Variants in DENND4A observed in about 807,000 individuals in gnomAD.
DENND4A encodes DENN domain containing 4A, also known as C-myc promoter-binding protein.
A neutral mutation model predicts 199.3 loss-of-function variants in DENND4A; 70 were observed. The observed-to-expected ratio is 0.35, with a 90% CI of 0.29 to 0.43. The LOEUF (loss-of-function observed/expected upper bound fraction) is 0.43, where lower values mean the gene tolerates loss of function less well. DENND4A is among the 20% of genes least tolerant of loss of function. The probability of loss-of-function intolerance (pLI) is 1.00; values close to 1 mark genes in which losing one functional copy is unlikely to be tolerated. For synonymous variants in DENND4A, 686 were observed against 766.9 expected (o/e 0.89, Z 1.74); for missense variants, 1,723 against 2,255.8 (o/e 0.76, Z 4.78).
At chr15:65,730,471 T>A (rs1326671092) in intron 9 of DENND4A, among the ~76,000 whole-genome samples, 1 of 152,154 alleles carries the variant, frequency 6.6e-6, no homozygotes, top group Admixed American at 6.5e-5. Context: ...AATGTGGAAC[T>A]ATCCCAAATG....
In DENND4A at chr15:65,727,650, A is replaced by G. The variant is rs537859653; in HGVS notation, c.1487+1422T>C. 3.3e-5 allele frequency among the ~76,000 whole-genome samples: 5 copies of G among 152,218 alleles called. No homozygotes were observed. In the East Asian group the frequency reaches 9.7e-4, roughly 29 times the overall value. ...TTAAAAAAGGAGAAAAACCTACTTC[A>G]CATTTACATATTTAAGTGTAAAAGC... On this transcript the variant is annotated intron_variant, in intron 11 of 32. Coordinates refer to ENST00000443035, the MANE Select transcript of DENND4A (RefSeq NM_001320835.1).
At chr15:65,722,483 A>G (rs950240666) in intron 12 of DENND4A, among the ~76,000 whole-genome samples, 7 of 152,114 alleles carry the variant, frequency 4.6e-5, no homozygotes, top group Non-Finnish European at 1.0e-4. Flanking sequence ...GAAAAAAAAA[A>G]CAATATAAAG....
chr15:65,681,629 TACAG>T lies in DENND4A; in HGVS notation c.4180-4999_4180-4996del, dbSNP rs1469270841. On this transcript the variant is annotated intron_variant, in intron 23 of 32. Transcript: ENST00000443035. ...TATAATTCTGTCAGCCAGGCTGGAG[TACAG>T]ACAGTCATCTCAGCCCAATGCAACC... Among the ~76,000 whole-genome samples, 5 of 149,832 alleles carry T rather than the reference TACAG, an allele frequency of 3.3e-5. No individual in the cohort carries two copies. The East Asian group carries it at 5.9e-4, about 18-fold the overall frequency.
At chr15:65,791,367 C>A (rs1444510999) in intron 1 of DENND4A, among the ~76,000 whole-genome samples, 1 of 152,178 alleles carries the variant, frequency 6.6e-6, no homozygotes, top group African/African-American at 2.4e-5. Context: ...AGGTCACAAG[C>A]TTTTTACTGT....
At chr15:65,772,332 CCTTT>C (rs1168813683) in intron 1 of DENND4A, among the ~76,000 whole-genome samples, 1 of 152,072 alleles carries the variant, frequency 6.6e-6, no homozygotes, top group Non-Finnish European at 1.5e-5. Flanking sequence ...ATGTGAACTC[CCTTT>C]CTATGTTTAG....
rs1420630037 is a variant in DENND4A, at chr15:65,669,823, A to G, written c.4743T>C (p.Leu1581=). 3.1e-6 allele frequency: 5 copies of G among 1,613,862 alleles called. No homozygotes were observed. The highest frequency in any genetic ancestry group is 3.3e-5 in the Admixed American group (2 of 60,010). The change falls in exon 27 of 33, where the codon CTT becomes CTC. Residue 1581 remains leucine, a synonymous_variant. Coordinates refer to ENST00000443035, the MANE Select transcript of DENND4A (RefSeq NM_001320835.1). ...CTTGAACAGAGAGAGCAGATGTGTC[A>G]AGACCAGAGGCTGATGTTGAAATGC... ...QSCISTSASG[L]DTSALSVQGN... is the part of the protein sequence containing the mutation.
Position 65,717,798 on chromosome 15 carries a change from G to A in DENND4A, c.1787C>T (p.Ala596Val). ...QAPSETATDAASLFALQAFLR... is the reference protein window; with the variant it reads ...QAPSETATDAVSLFALQAFLR... Reference sequence around the variant, plus strand: ...CTCACCTTGTAGGGCAAAGAGAGAGGCTGCATCTGTGGCTGTCTCAGATGG... The same window carrying A: ...CTCACCTTGTAGGGCAAAGAGAGAGACTGCATCTGTGGCTGTCTCAGATGG... The change falls in exon 13 of 33, where the codon GCC becomes GTC. Residue 596 changes from alanine to valine, a missense_variant. By Grantham distance (64) the Ala-to-Val change is moderately conservative. Coordinates refer to ENST00000443035, the MANE Select transcript of DENND4A (RefSeq NM_001320835.1). 1 of 1,604,608 alleles carries A rather than the reference G, an allele frequency of 6.2e-7. No individual in the cohort carries two copies. Among genetic ancestry groups the A allele is most frequent in the South Asian group, 1.1e-5 (1 of 89,176 alleles).
At chr15:65,679,225 C>T (rs1048886089) in intron 23 of DENND4A, among the ~76,000 whole-genome samples, 3 of 152,020 alleles carry the variant, frequency 2.0e-5, no homozygotes, top group African/African-American at 4.8e-5. Context: ...CCTCAGCCTC[C>T]CGGGTAGCTG....
chr15:65,690,612 C>A lies in DENND4A; in HGVS notation c.3982G>T (p.Ala1328Ser). The A allele has an allele frequency of 6.2e-7, 1 of 1,613,564 alleles. No individual in the cohort carries two copies. Among genetic ancestry groups the A allele is most frequent in the African/African-American group, 1.3e-5 (1 of 75,016 alleles). ...KPRDRLWSSP[A>S]FSPTCPFREE... ...CTAAATGGGCAAGTAGGTGAGAAGG[C>A]TGGAGAAGACCAAAGTCTATCCCTT... Residue 1328 changes from alanine (A) to serine (S), a missense_variant, in exon 23 of 33, where the codon GCC (alanine) becomes TCC (serine). Coordinates refer to ENST00000443035, the MANE Select transcript of DENND4A (RefSeq NM_001320835.1).
chr15:65,760,158 A>G (rs565687150), intron 2 of DENND4A, among the ~76,000 whole-genome samples: 1 of 152,356 alleles, frequency 6.6e-6, no homozygotes, highest in South Asian at 2.1e-4. Flanking sequence ...TAATGAAGAA[A>G]CTAAAACATC....
rs770351317 is a variant in DENND4A at position 65,690,708 on chromosome 15, G to A, written c.3886C>T (p.Leu1296=). 1.2e-6 allele frequency: 2 copies of A among 1,613,604 alleles called. No individual in the cohort carries two copies. The highest frequency in any genetic ancestry group is 2.2e-5 in the East Asian group (1 of 44,862). The part of the protein sequence containing the change: ...PLVKACRRSS[L]PPNSPKPVRL... ...ACTGGCTTAGGAGAATTAGGAGGCA[G>A]ACTAGATCTTCTGCATGCCTTGACC... Residue 1296 remains leucine (L), a synonymous_variant, in exon 23 of 33, where the codon CTG becomes TTG. Transcript: ENST00000443035.
At chr15:65,704,434 T>C (rs1596477645) in intron 15 of DENND4A, among the ~76,000 whole-genome samples, 1 of 152,274 alleles carries the variant, frequency 6.6e-6, no homozygotes, top group Admixed American at 6.5e-5. Context: ...GTGCAGTAGC[T>C]CAATGATGGC....
At chr15:65,678,339 CT>C (rs376584603) in intron 23 of DENND4A, among the ~76,000 whole-genome samples, 15 of 151,944 alleles carry the variant, frequency 9.9e-5, no homozygotes, top group African/African-American at 2.2e-4. Context: ...TTTGGTTTGC[CT>C]TTTTTTTCTT....
intron 1 of DENND4A, among the ~76,000 whole-genome samples, chr15:65,787,482 G>C (rs1431230266): frequency 6.6e-6 from 1 of 151,616 alleles, no homozygotes; most frequent in Admixed American, 6.6e-5. Flanking sequence ...TTCTACTTGT[G>C]ATTTTTAACA....
intron 24 of DENND4A, among the ~76,000 whole-genome samples, chr15:65,675,476 C>T (rs1467475816): frequency 6.6e-6 from 1 of 151,400 alleles, no homozygotes; most frequent in Non-Finnish European, 1.5e-5. Flanking sequence ...AAAAACACCC[C>T]CAAAAAACAA....
At chr15:65,776,022 T>A (rs968418045) in intron 1 of DENND4A, among the ~76,000 whole-genome samples, 1 of 152,190 alleles carries the variant, frequency 6.6e-6, no homozygotes. Flanking sequence ...TTCCTTACTG[T>A]TTTCTCCATG....
At chr15:65,750,761 G>A (rs186135281) in intron 4 of DENND4A, among the ~76,000 whole-genome samples, 164 of 151,162 alleles carry the variant, frequency 1.1e-3, no homozygotes, top group African/African-American at 3.8e-3. Context: ...AGTAATAAAA[G>A]AACAAAGACA....
chr15:65,754,620 CATTTCTCCGAAGATA>C (rs1481203454), intron 3 of DENND4A, among the ~76,000 whole-genome samples: 1 of 152,202 alleles, frequency 6.6e-6, no homozygotes, highest in Non-Finnish European at 1.5e-5. Context: ...TCTGAATAGA[CATTTCTCCGAAGATA>C]TACAAACTTG....
chr15:65,769,538 T>G (rs2077074627), intron 1 of DENND4A, among the ~76,000 whole-genome samples: 1 of 152,192 alleles, frequency 6.6e-6, no homozygotes, highest in Non-Finnish European at 1.5e-5. Context: ...AGCTCATGGC[T>G]TGGGTATTTT....
Sources: gnomAD v4.1 joint callset for allele counts (sites outside exome capture counted in the v4.1 genomes callset) on GRCh38, gnomAD v4.1.1 for gene constraint, MANE v1.5 for transcripts, NCBI Gene and HGNC (gene_info 2026-07-23, HGNC 2026-07-21) for gene names.